KLRG1: variants seen among roughly 807,000 people sequenced by gnomAD.
The protein encoded by KLRG1 is killer cell lectin like receptor G1.
KLRG1 carries 16 observed loss-of-function variants against 21.8 expected under a neutral mutation model. The ratio of observed to expected loss-of-function variants is 0.73; its 90% CI spans 0.50 to 1.11. The LOEUF (loss-of-function observed/expected upper bound fraction) is 1.11, where lower values mean the gene tolerates loss of function less well. KLRG1 is among the 50% of genes most tolerant of loss of function. KLRG1 has a pLI of 0.00. For missense variants in KLRG1, 173 were observed against 218.3 expected, an observed-to-expected ratio of 0.79 and a Z score of 1.31; for synonymous variants, 69 against 75.9, an observed-to-expected ratio of 0.91 and a Z score of 0.47.
the KLRG1 span, among the ~76,000 whole-genome samples, chr12:9,048,166 G>A: frequency 6.6e-6 from 1 of 152,166 alleles, no homozygotes; most frequent in Admixed American, 6.5e-5. Context: ...ATCAAACAAA[G>A]TATGTGCTCA....
At chr12:9,086,808 A>T in the KLRG1 span, among the ~76,000 whole-genome samples, 2 of 152,356 alleles carry the variant, frequency 1.3e-5, no homozygotes, top group East Asian at 3.9e-4. Context: ...CATGAAAAAG[A>T]AATGAAAAAT....
the KLRG1 span, among the ~76,000 whole-genome samples, chr12:9,101,905 G>A: frequency 6.6e-6 from 1 of 152,054 alleles, no homozygotes. Context: ...TATTTCTTAA[G>A]AGCATAAAAG....
the KLRG1 span, among the ~76,000 whole-genome samples, chr12:9,093,114 C>G: frequency 6.6e-6 from 1 of 152,164 alleles, no homozygotes; most frequent in Middle Eastern, 3.4e-3. Flanking sequence ...AGAAGCAGGT[C>G]AAAGGGTACA....
At chr12:9,214,618 A>T in the KLRG1 span, among the ~76,000 whole-genome samples, 3 of 151,892 alleles carry the variant, frequency 2.0e-5, no homozygotes, top group African/African-American at 7.2e-5. Flanking sequence ...TTTTTAAATG[A>T]CATATTGTTT....
At chr12:8,995,652 G>A (rs760714980) in intron 3 of KLRG1, among the ~76,000 whole-genome samples, 66 of 151,782 alleles carry the variant, frequency 4.3e-4, no homozygotes, top group Non-Finnish European at 6.2e-4. Flanking sequence ...CTTAGGTCCG[G>A]AAACCTACAG....
the KLRG1 span, chr12:9,181,055 G>A: frequency 6.2e-7 from 1 of 1,614,160 alleles, no homozygotes; most frequent in South Asian, 1.1e-5. Flanking sequence ...GGGCACAGAG[G>A]GACTGCGGAG....
the KLRG1 span, chr12:9,078,000 G>C: frequency 1.1e-6 from 1 of 941,336 alleles, no homozygotes; most frequent in Non-Finnish European, 1.6e-6. Context: ...TTAATCTTTA[G>C]TCTGCCTGAT....
the KLRG1 span, among the ~76,000 whole-genome samples, chr12:9,094,340 CATATATATATATATATATATAT>C: frequency 1.3e-3 from 125 of 97,032 alleles, 1 homozygote; most frequent in East Asian, 4.5e-3. Flanking sequence ...AAAAATTGTG[CATATATATATATATATATATAT>C]ATATATATAT....
chr12:8,978,787 T>C, intron 1 of KLRG1, among the ~76,000 whole-genome samples: 1 of 131,016 alleles, frequency 7.6e-6, no homozygotes, highest in African/African-American at 2.8e-5. Context: ...CATTCCTGCC[T>C]CACTGCAACC....
the KLRG1 span, among the ~76,000 whole-genome samples, chr12:9,022,611 G>T: frequency 6.6e-6 from 1 of 152,026 alleles, no homozygotes. Context: ...TAAGACCAAG[G>T]CATGATCAGA....
At chr12:9,073,885 C>G in the KLRG1 span, among the ~76,000 whole-genome samples, 1 of 151,992 alleles carries the variant, frequency 6.6e-6, no homozygotes, top group Admixed American at 6.6e-5. Flanking sequence ...CTCAGGACTT[C>G]GAGATCAGCC....
chr12:9,123,319 TA>T, the KLRG1 span, among the ~76,000 whole-genome samples: 1 of 152,132 alleles, frequency 6.6e-6, no homozygotes, highest in Non-Finnish European at 1.5e-5. Context: ...AGTAAGAGAT[TA>T]ACAAAACTGA....
the KLRG1 span, chr12:9,196,275 T>C: frequency 1.6e-6 from 2 of 1,247,676 alleles, no homozygotes; most frequent in Non-Finnish European, 1.2e-6. Context: ...CATTGTGTCC[T>C]GTGCTTAGGT....
chr12:8,951,896 T>C (rs1946211639), intron 1 of KLRG1, among the ~76,000 whole-genome samples: 1 of 152,220 alleles, frequency 6.6e-6, no homozygotes, highest in African/African-American at 2.4e-5. Context: ...GATTAACTTG[T>C]CTGCTGTCAG....
chr12:9,008,432 T>C (rs1311818445), intron 3 of KLRG1, among the ~76,000 whole-genome samples: 1 of 152,236 alleles, frequency 6.6e-6, no homozygotes, highest in Non-Finnish European at 1.5e-5. Context: ...CTAACACATC[T>C]TTAGAATTAG....
the KLRG1 span, among the ~76,000 whole-genome samples, chr12:9,157,999 G>A: frequency 6.6e-6 from 1 of 152,130 alleles, no homozygotes; most frequent in African/African-American, 2.4e-5. Flanking sequence ...TGTAGCTCAG[G>A]CTGGAGTGCA....
the KLRG1 span, chr12:9,076,959 G>A: frequency 1.3e-6 from 2 of 1,540,814 alleles, no homozygotes; most frequent in Non-Finnish European, 8.7e-7. Context: ...AACAAGAAGG[G>A]AACTAAGCTA....
At chr12:9,204,822 G>A in the KLRG1 span, among the ~76,000 whole-genome samples, 103 of 152,272 alleles carry the variant, frequency 6.8e-4, 2 homozygotes, top group South Asian at 7.7e-3. Flanking sequence ...CAGGCTGGGA[G>A]AAGTGGCTTA....
chr12:8,965,821 G>A (rs778843042), intron 1 of KLRG1, among the ~76,000 whole-genome samples: 1 of 152,144 alleles, frequency 6.6e-6, no homozygotes, highest in Admixed American at 6.5e-5. Flanking sequence ...TTTCTTCACA[G>A]AATTGGAAAA....
Sources: allele counts gnomAD v4.1 joint callset (sites outside exome capture counted in the v4.1 genomes callset), GRCh38; gene constraint gnomAD v4.1.1; transcripts MANE v1.5; gene names NCBI Gene and HGNC (gene_info 2026-07-23, HGNC 2026-07-21).